NME7: variants seen among roughly 807,000 people sequenced by gnomAD.
The protein encoded by NME7 is NME/NM23 family member 7.
A neutral mutation model predicts 49.1 loss-of-function variants in NME7; 41 were observed. The ratio of observed to expected loss-of-function variants is 0.83; its 90% confidence interval spans 0.65 to 1.08. The LOEUF is 1.08. Ranked by LOEUF, NME7 falls within the 50% of genes least tolerant of loss-of-function variation. The pLI, the probability that NME7 is intolerant of heterozygous loss-of-function variation, is 0.00. For synonymous variants in NME7, 139 were observed against 150.6 expected (o/e 0.92, Z 0.56); for missense variants, 423 against 463.4 (o/e 0.91, Z 0.80).
At chr1:169,334,016 G>A (rs1480769136) in intron 1 of NME7, among the ~76,000 whole-genome samples, 2 of 152,058 alleles carry the variant, frequency 1.3e-5, no homozygotes, top group Non-Finnish European at 2.9e-5. Context: ...TTCACAATAG[G>A]CAGCAAAATA....
chr1:169,346,577 A>G (rs1425011965), intron 1 of NME7, among the ~76,000 whole-genome samples: 3 of 152,170 alleles, frequency 2.0e-5, no homozygotes, highest in African/African-American at 7.2e-5. Context: ...CAGTACCCCC[A>G]ACATTCATTA....
intron 7 of NME7, among the ~76,000 whole-genome samples, chr1:169,256,792 C>T (rs2101856686): frequency 7.7e-6 from 1 of 129,692 alleles, no homozygotes; most frequent in South Asian, 2.4e-4. Flanking sequence ...AGACAGGACC[C>T]TCAGCTGCAG....
chr1:169,204,516 A>G (rs1660625513), intron 10 of NME7, among the ~76,000 whole-genome samples: 1 of 152,082 alleles, frequency 6.6e-6, no homozygotes, highest in African/African-American at 2.4e-5. Flanking sequence ...CCTATGTGAC[A>G]TAATCTCTCA....
intron 11 of NME7, among the ~76,000 whole-genome samples, chr1:169,135,195 C>A (rs1372160071): frequency 6.6e-6 from 1 of 151,532 alleles, no homozygotes. Context: ...ACAAAAAAAA[C>A]AACCAAAAAC....
intron 1 of NME7, among the ~76,000 whole-genome samples, chr1:169,341,556 C>A (rs992496030): frequency 3.3e-5 from 5 of 152,112 alleles, no homozygotes; most frequent in Non-Finnish European, 7.4e-5. Flanking sequence ...GTCCTCCAGA[C>A]CCCAGAATGG....
chr1:169,363,486 C>A (rs114414462), intron 1 of NME7, among the ~76,000 whole-genome samples: 2 of 152,112 alleles, frequency 1.3e-5, no homozygotes, highest in African/African-American at 4.8e-5. Flanking sequence ...CTACATACCA[C>A]AAATTTGAGT....
intron 10 of NME7, among the ~76,000 whole-genome samples, chr1:169,173,014 A>G (rs1007415404): frequency 3.3e-5 from 5 of 152,208 alleles, no homozygotes; most frequent in Non-Finnish European, 7.3e-5. Flanking sequence ...TTGTTGACTG[A>G]TATAAAATGA....
At chr1:169,323,870 A>G (rs1651953460) in intron 2 of NME7, among the ~76,000 whole-genome samples, 1 of 118,042 alleles carries the variant, frequency 8.5e-6, no homozygotes, top group South Asian at 2.7e-4. Flanking sequence ...TTGAGACAAG[A>G]GTCTCATGCA....
intron 10 of NME7, among the ~76,000 whole-genome samples, chr1:169,223,581 T>C (rs980984503): frequency 1.3e-5 from 2 of 152,190 alleles, no homozygotes; most frequent in Admixed American, 6.5e-5. Flanking sequence ...TGTGTCCTAT[T>C]GATATGTCAC....
intron 1 of NME7, among the ~76,000 whole-genome samples, chr1:169,362,421 T>A (rs1319605769): frequency 1.3e-5 from 2 of 152,226 alleles, no homozygotes; most frequent in African/African-American, 4.8e-5. Context: ...ACCTTCTCTG[T>A]CCTCTTTATA....
chr1:169,183,088 TTTGA>T (rs1659971119), intron 10 of NME7, among the ~76,000 whole-genome samples: 1 of 152,226 alleles, frequency 6.6e-6, no homozygotes, highest in South Asian at 2.1e-4. Flanking sequence ...GCTCTGTGAC[TTTGA>T]TTGAGGATAA....
At chr1:169,346,410 A>C (rs1211219433) in intron 1 of NME7, among the ~76,000 whole-genome samples, 2 of 152,166 alleles carry the variant, frequency 1.3e-5, no homozygotes, top group African/African-American at 2.4e-5. Flanking sequence ...CACCTAAAAA[A>C]GTCTGTCCGC....
chr1:169,217,411 T>A (rs914151573), intron 10 of NME7, among the ~76,000 whole-genome samples: 1 of 152,190 alleles, frequency 6.6e-6, no homozygotes, highest in African/African-American at 2.4e-5. Context: ...TTATAAAATA[T>A]TCCATTAATA....
intron 7 of NME7, among the ~76,000 whole-genome samples, chr1:169,279,838 C>G (rs1198306837): frequency 1.3e-5 from 2 of 152,092 alleles, no homozygotes; most frequent in Non-Finnish European, 2.9e-5. Flanking sequence ...TGGCTCCTCC[C>G]CACATTTTCT....
At chr1:169,194,364 C>T (rs1424141090) in intron 10 of NME7, among the ~76,000 whole-genome samples, 4 of 152,112 alleles carry the variant, frequency 2.6e-5, no homozygotes, top group Non-Finnish European at 5.9e-5. Flanking sequence ...ACACACCAAA[C>T]CAAAATGGAG....
In NME7 at chr1:169,266,115, A is replaced by G. The variant is rs1649313041; in HGVS notation, c.754+21188T>C. ...GGAATCCTCCTCAACTCATTCTATG[A>G]GGCCATCATCATCCTGATACCAAAA... On this transcript the variant is annotated intron_variant, in intron 7 of 11. Coordinates refer to ENST00000367811, the MANE Select transcript of NME7 (RefSeq NM_013330.5). 1.5e-5 allele frequency among the ~76,000 whole-genome samples: 2 copies of G among 132,964 alleles called. 1 individual carries two copies. Among genetic ancestry groups the G allele is most frequent in the East Asian group, 4.0e-4 (2 of 5,020 alleles). 87.2% of individuals were successfully genotyped at this position (132,964 alleles called of 152,430 possible). A position where few individuals can be genotyped will look rare whatever the true frequency, so the allele number is the denominator to read the frequency against.
intron 9 of NME7, among the ~76,000 whole-genome samples, chr1:169,231,381 A>G (rs1647611886): frequency 1.3e-5 from 2 of 152,314 alleles, no homozygotes; most frequent in Non-Finnish European, 2.9e-5. Flanking sequence ...TACTGTCTAG[A>G]GGCAGTTTCC....
chr1:169,157,163 A>C (rs3766053), intron 11 of NME7, among the ~76,000 whole-genome samples: 60,033 of 152,046 alleles, frequency 0.39, 12,206 homozygotes, highest in East Asian at 0.73. Context: ...GCTCACTCTC[A>C]TCAGGTCATT....
At chr1:169,353,732 T>C (rs1162759557) in intron 1 of NME7, among the ~76,000 whole-genome samples, 1 of 151,852 alleles carries the variant, frequency 6.6e-6, no homozygotes, top group Non-Finnish European at 1.5e-5. Context: ...TGACTAAAAA[T>C]TGGGCAAAAA....
Sources: gnomAD v4.1 joint callset for allele counts (sites outside exome capture counted in the v4.1 genomes callset) on GRCh38, gnomAD v4.1.1 for gene constraint, MANE v1.5 for transcripts, NCBI Gene and HGNC (gene_info 2026-07-23, HGNC 2026-07-21) for gene names.